DIP2C: variants seen among roughly 807,000 people sequenced by gnomAD.
DIP2C encodes DIP2 acetate--CoA ligase C (putative).
DIP2C carries 33 observed loss-of-function variants against 192.4 expected under a neutral mutation model. The observed-to-expected ratio is 0.17, with a 90% confidence interval of 0.13 to 0.23. DIP2C has a LOEUF of 0.23. Among genes scored for constraint, DIP2C ranks in the 10% least tolerant of loss-of-function variants. DIP2C has a pLI of 1.00. For synonymous variants in DIP2C, 979 were observed against 864.1 expected (o/e 1.13, Z -2.33); for missense variants, 1,537 against 2,110.1 (o/e 0.73, Z 5.32).
chr10:580,647 TAC>T (rs1315547422), intron 1 of DIP2C, among the ~76,000 whole-genome samples: 1 of 152,136 alleles, frequency 6.6e-6, no homozygotes, highest in Non-Finnish European at 1.5e-5. Context: ...CACATACAAG[TAC>T]ACATTTGTAT....
At chr10:349,600 A>G in intron 24 of DIP2C, 146 bp from the exon 25 acceptor site, 1 of 1,102,914 alleles carries the variant, frequency 9.1e-7, no homozygotes, top group Non-Finnish European at 1.2e-6. Flanking sequence ...CCAACATGAC[A>G]GTCAATTTTA....
At chr10:644,250 G>A (rs956969971) in intron 1 of DIP2C, among the ~76,000 whole-genome samples, 1 of 152,238 alleles carries the variant, frequency 6.6e-6, no homozygotes, top group African/African-American at 2.4e-5. Context: ...AGTGGGGATG[G>A]GGAGGCTGCA....
chr10:412,347 C>CG (rs911815510), intron 8 of DIP2C, among the ~76,000 whole-genome samples: 6 of 152,292 alleles, frequency 3.9e-5, no homozygotes, highest in Non-Finnish European at 8.8e-5. Context: ...CGCATGTAGG[C>CG]GGGGAGGCCT....
At chr10:627,764 C>G (rs1854287675) in intron 1 of DIP2C, among the ~76,000 whole-genome samples, 1 of 152,274 alleles carries the variant, frequency 6.6e-6, no homozygotes, top group Admixed American at 6.5e-5. Context: ...TGCCAGACGT[C>G]ACAAACAGAC....
chr10:638,435 A>G (rs908044646), intron 1 of DIP2C, among the ~76,000 whole-genome samples: 1 of 152,216 alleles, frequency 6.6e-6, no homozygotes, highest in African/African-American at 2.4e-5. Context: ...GACTCAAAAA[A>G]TGGTCACTCT....
At chr10:542,402 C>T (rs896860881) in intron 1 of DIP2C, among the ~76,000 whole-genome samples, 7 of 152,212 alleles carry the variant, frequency 4.6e-5, no homozygotes, top group Non-Finnish European at 1.0e-4. Flanking sequence ...GCTGCTACTT[C>T]CAACACTGGG....
chr10:316,405 A>G (rs1956775694), intron 31 of DIP2C, among the ~76,000 whole-genome samples: 1 of 152,230 alleles, frequency 6.6e-6, no homozygotes, highest in African/African-American at 2.4e-5. Flanking sequence ...AAACAGTAGG[A>G]GACCTTCCAC....
At chr10:573,196 G>A (rs1347785707) in intron 1 of DIP2C, among the ~76,000 whole-genome samples, 3 of 152,090 alleles carry the variant, frequency 2.0e-5, no homozygotes, top group Non-Finnish European at 4.4e-5. Flanking sequence ...ATCCAAGGAA[G>A]GGAAAATCAT....
intron 28 of DIP2C, among the ~76,000 whole-genome samples, chr10:342,555 T>A (rs1354098290): frequency 6.6e-6 from 1 of 152,178 alleles, no homozygotes; most frequent in Non-Finnish European, 1.5e-5. Flanking sequence ...CACGGCTATC[T>A]CCACGGCTGG....
intron 10 of DIP2C, among the ~76,000 whole-genome samples, chr10:393,266 T>C (rs944740969): frequency 4.6e-5 from 7 of 152,204 alleles, no homozygotes; most frequent in African/African-American, 1.7e-4. Flanking sequence ...GAAGCAATAT[T>C]AGGATTCACA....
At chr10:580,476 A>C (rs749299536) in intron 1 of DIP2C, among the ~76,000 whole-genome samples, 4 of 152,226 alleles carry the variant, frequency 2.6e-5, no homozygotes, top group Non-Finnish European at 2.9e-5. Flanking sequence ...TGCAGTACAG[A>C]TACATGTCCA....
Position 390,751 on chromosome 10 carries a change from G to C in DIP2C, c.1373C>G (p.Pro458Arg). ...GCTCGGTGGCTTACCTTTAAACTGTGGGATCTCTCCCGTTGGGCTTTTTGG... is the reference window on the plus strand; with the variant it reads ...GCTCGGTGGCTTACCTTTAAACTGTCGGATCTCTCCCGTTGGGCTTTTTGG... ...GLPKSPTGEI[P>R]QFKGWPKLLW... The change falls in exon 11 of 37, where the codon CCA (proline) becomes CGA (arginine). Residue 458 changes from proline to arginine, a missense_variant. Pro to Arg is a moderately radical substitution (Grantham distance 103). Transcript: ENST00000280886. The C allele has an allele frequency of 6.2e-7, 1 of 1,613,978 alleles. No homozygotes were observed. Among genetic ancestry groups the C allele is most frequent in the Non-Finnish European group, 8.5e-7 (1 of 1,179,958 alleles).
chr10:514,486 T>G (rs61301314), intron 1 of DIP2C, among the ~76,000 whole-genome samples: 1 of 152,298 alleles, frequency 6.6e-6, no homozygotes, highest in African/African-American at 2.4e-5. Context: ...TTCGCAATGT[T>G]CACCAGAGGG....
At chr10:390,593 A>G (rs1963383135) in intron 11 of DIP2C, 147 bp downstream of exon 11, 24 of 1,377,356 alleles carry the variant, frequency 1.7e-5, no homozygotes, top group Non-Finnish European at 2.3e-5. Flanking sequence ...CTGTGTCATC[A>G]GGGACGAGAA....
chr10:488,911 A>T (rs1844221631), intron 1 of DIP2C, among the ~76,000 whole-genome samples: 1 of 152,214 alleles, frequency 6.6e-6, no homozygotes, highest in African/African-American at 2.4e-5. Flanking sequence ...ACACACACAG[A>T]CGTCTGTGCC....
At chr10:538,026 G>A (rs1847787041) in intron 1 of DIP2C, among the ~76,000 whole-genome samples, 1 of 152,134 alleles carries the variant, frequency 6.6e-6, no homozygotes, top group Non-Finnish European at 1.5e-5. Flanking sequence ...CTGGCCTCAA[G>A]CGATCTGCTG....
chr10:370,975 A>G (rs1403141140), intron 17 of DIP2C, among the ~76,000 whole-genome samples: 1 of 152,238 alleles, frequency 6.6e-6, no homozygotes, highest in Non-Finnish European at 1.5e-5. Flanking sequence ...AGAGCTAACC[A>G]GATATAAAAG....
chr10:397,296 G>C (rs867536580), intron 10 of DIP2C, among the ~76,000 whole-genome samples: 3 of 152,150 alleles, frequency 2.0e-5, no homozygotes, highest in African/African-American at 7.2e-5. Flanking sequence ...GTGGGAGGCC[G>C]AGGTGGGCAG....
At chr10:481,081 G>A (rs568092200) in intron 2 of DIP2C, among the ~76,000 whole-genome samples, 45 of 152,218 alleles carry the variant, frequency 3.0e-4, no homozygotes, top group East Asian at 5.8e-4. Context: ...TCTAGGAAGC[G>A]CTGCCTTGGG....
Sources: allele counts gnomAD v4.1 joint callset (sites outside exome capture counted in the v4.1 genomes callset), GRCh38; gene constraint gnomAD v4.1.1; transcripts MANE v1.5; gene names NCBI Gene and HGNC (gene_info 2026-07-23, HGNC 2026-07-21).